NEDD4L: variants seen among roughly 807,000 people sequenced by gnomAD.
The protein encoded by NEDD4L is E3 ubiquitin-protein ligase NEDD4-like.
A neutral mutation model predicts 148.9 loss-of-function variants in NEDD4L; 54 were observed. That is an observed-to-expected ratio of 0.36 (90% confidence interval 0.29 to 0.45). The LOEUF is 0.45. NEDD4L is among the 20% of genes least tolerant of loss of function. The pLI is 1.00. For synonymous variants in NEDD4L, 433 were observed against 440.7 expected (o/e 0.98, Z 0.22); for missense variants, 856 against 1,233.8 (o/e 0.69, Z 4.59).
At chr18:58,214,925 C>T (rs1048594686) in intron 2 of NEDD4L, among the ~76,000 whole-genome samples, 4 of 151,682 alleles carry the variant, frequency 2.6e-5, no homozygotes, top group Non-Finnish European at 4.4e-5. Context: ...GATTCTCCTT[C>T]CTCAGCCTCC....
intron 2 of NEDD4L, chr18:58,195,423 G>T: frequency 7.7e-7 from 1 of 1,302,194 alleles, no homozygotes; most frequent in Non-Finnish European, 1.0e-6. Flanking sequence ...ATTTGCTCCC[G>T]ATTCGAGAGA....
intron 30 of NEDD4L, among the ~76,000 whole-genome samples, 171 bp downstream of exon 30, chr18:58,391,730 A>G (rs1347076387): frequency 6.6e-6 from 1 of 152,236 alleles, no homozygotes; most frequent in African/African-American, 2.4e-5. Flanking sequence ...CTAATAAGAC[A>G]TAATGCACTC....
intron 1 of NEDD4L, among the ~76,000 whole-genome samples, chr18:58,144,540 G>C (rs182414067): frequency 6.6e-6 from 1 of 152,020 alleles, no homozygotes; most frequent in Non-Finnish European, 1.5e-5. Context: ...ACACTATGTC[G>C]TAGCCTTAAG....
At chr18:58,188,889 A>C (rs539860613) in intron 2 of NEDD4L, among the ~76,000 whole-genome samples, 1 of 152,196 alleles carries the variant, frequency 6.6e-6, no homozygotes, top group Non-Finnish European at 1.5e-5. Flanking sequence ...GTGGCAAGGT[A>C]GAAGCCAGGA....
intron 11 of NEDD4L, 36 bp downstream of exon 11, chr18:58,330,950 A>G (rs1345172762): frequency 6.2e-7 from 1 of 1,601,914 alleles, no homozygotes; most frequent in Admixed American, 1.7e-5. Flanking sequence ...AAAGCTGAGC[A>G]ATGTTTTATT....
chr18:58,189,917 A>G (rs560833556), intron 2 of NEDD4L: 2 of 152,310 alleles, frequency 1.3e-5, no homozygotes, highest in South Asian at 4.1e-4. Flanking sequence ...TTTACGATCC[A>G]TGTTATTGAA....
At chr18:58,347,333 C>T (rs954360605) in intron 16 of NEDD4L, among the ~76,000 whole-genome samples, 2 of 151,394 alleles carry the variant, frequency 1.3e-5, no homozygotes, top group African/African-American at 4.9e-5. Context: ...GAAGCCCTGC[C>T]CTCTTTCATG....
At chr18:58,047,639 TTAGG>T (rs1160170054) in intron 1 of NEDD4L, 1 of 389,568 alleles carries the variant, frequency 2.6e-6, no homozygotes, top group African/African-American at 2.2e-5. Context: ...TCATGTCACT[TTAGG>T]TAGCCAGATT....
rs2052747960 is a variant in NEDD4L, at chr18:58,279,927, T to C, written c.297+27873T>C. 2.0e-5 allele frequency among the ~76,000 whole-genome samples: 3 copies of C among 152,280 alleles called. 1 individual carries two copies. The South Asian group carries it at 6.2e-4, about 32-fold the overall frequency. ...GTTGAGCAGAGAAAAAGCTCTCTGA[T>C]TTTTGTGGTTCCTGCTCTAAGCCAG... On this transcript the variant is annotated intron_variant, in intron 5 of 30. Transcript: ENST00000400345.
chr18:58,044,905 A>G (rs1469713548), intron 1 of NEDD4L, among the ~76,000 whole-genome samples, 197 bp downstream of exon 1: 1 of 152,156 alleles, frequency 6.6e-6, no homozygotes, highest in Non-Finnish European at 1.5e-5. Context: ...AGCCGAGCTC[A>G]TTGTTTGTAA....
At chr18:58,265,899 G>A (rs2050155936) in intron 5 of NEDD4L, among the ~76,000 whole-genome samples, 1 of 151,770 alleles carries the variant, frequency 6.6e-6, no homozygotes, top group Non-Finnish European at 1.5e-5. Flanking sequence ...TAAAGAAACT[G>A]TTTATATATA....
chr18:58,309,018 G>A (rs768577945), intron 5 of NEDD4L, among the ~76,000 whole-genome samples: 2 of 152,186 alleles, frequency 1.3e-5, no homozygotes, highest in South Asian at 2.1e-4. Context: ...TGTCCTCGGC[G>A]CTCTCTCTCC....
At chr18:58,050,374 G>C (rs981486141) in intron 1 of NEDD4L, among the ~76,000 whole-genome samples, 4 of 152,156 alleles carry the variant, frequency 2.6e-5, no homozygotes, top group Non-Finnish European at 5.9e-5. Flanking sequence ...GGAGGCTGAG[G>C]CAGGAGAATA....
rs79752381 is a variant in NEDD4L, at chr18:58,168,122, G to A, written c.122+2261G>A. Among the ~76,000 whole-genome samples the A allele has an allele frequency of 7.4e-3, 1,134 of 152,282 alleles. 12 individuals are homozygous for A. The highest frequency in any genetic ancestry group is 0.025 in the African/African-American group (1,033 of 41,558). On this transcript the variant is annotated intron_variant, in intron 2 of 30. Coordinates refer to ENST00000400345, the MANE Select transcript of NEDD4L (RefSeq NM_001144967.3). Reference sequence around the variant, plus strand: ...GTGATATTAATTAGAAAGATAAATCGTATTGTGGCCAAGTGGACCAAGTGC... The same window carrying A: ...GTGATATTAATTAGAAAGATAAATCATATTGTGGCCAAGTGGACCAAGTGC...
chr18:58,392,494 G>T (rs1222160801), intron 30 of NEDD4L, among the ~76,000 whole-genome samples: 1 of 152,086 alleles, frequency 6.6e-6, no homozygotes, highest in African/African-American at 2.4e-5. Context: ...GCTGTGAAAG[G>T]TTTTTCACTT....
Position 58,322,480 on chromosome 18 carries a change from CAAG to C in NEDD4L, c.408_410del (p.Arg136del). ...ACATTTAAGGACTTTCTCCTCAGAC[CAAG>C]AAGGTGAGGCTTGTGGGTATGGGTG... On this transcript the variant is annotated inframe_deletion, in exon 7 of 31. Coordinates refer to ENST00000400345, the MANE Select transcript of NEDD4L (RefSeq NM_001144967.3). The C allele has an allele frequency of 2.8e-6, 3 of 1,080,702 alleles. No homozygotes were observed. The highest frequency in any genetic ancestry group is 1.6e-5 in the African/African-American group (1 of 62,884). 66.9% of individuals were successfully genotyped at this position (1,080,702 alleles called of 1,614,324 possible).
intron 1 of NEDD4L, among the ~76,000 whole-genome samples, chr18:58,073,106 A>G (rs2082971814): frequency 6.6e-6 from 1 of 152,188 alleles, no homozygotes; most frequent in African/African-American, 2.4e-5. Flanking sequence ...CTAAAAAACA[A>G]AAGAAAGGAC....
chr18:58,255,906 C>A (rs1943068178), intron 5 of NEDD4L: 5 of 1,231,930 alleles, frequency 4.1e-6, no homozygotes, highest in Admixed American at 8.4e-5. Flanking sequence ...ACGTGCAGCT[C>A]CTCCGTGCAG....
Position 58,230,788 on chromosome 18 carries a change from G to A in NEDD4L, c.123-14639G>A, listed in dbSNP as rs117537649. 1.3e-3 allele frequency among the ~76,000 whole-genome samples: 204 copies of A among 152,274 alleles called. 4 individuals are homozygous for A. The East Asian group carries it at 0.03, about 22-fold the overall frequency. ...CCAAACATGTAACCCTGGGAAGAAG[G>A]TAACCTATCATAGTGTGTGTTAAGA... On this transcript the variant is annotated intron_variant, in intron 2 of 30. Coordinates refer to ENST00000400345, the MANE Select transcript of NEDD4L (RefSeq NM_001144967.3).
Sources: allele counts gnomAD v4.1 joint callset (sites outside exome capture counted in the v4.1 genomes callset), GRCh38; gene constraint gnomAD v4.1.1; transcripts MANE v1.5; gene names NCBI Gene and HGNC (gene_info 2026-07-23, HGNC 2026-07-21).